The following GLG1 variants were observed in gnomAD, a reference collection of about 807,000 sequenced individuals.
GLG1 encodes the protein golgi glycoprotein 1, also known as Golgi apparatus protein 1.
Under a neutral mutation model 160.5 loss-of-function variants are expected in GLG1, and 38 were observed. The ratio of observed to expected loss-of-function variants is 0.24; its 90% confidence interval spans 0.18 to 0.31. The LOEUF (loss-of-function observed/expected upper bound fraction) is 0.31, where lower values mean the gene tolerates loss of function less well. Among genes scored for constraint, GLG1 ranks in the 10% least tolerant of loss-of-function variants. The pLI, the probability that GLG1 is intolerant of heterozygous loss-of-function variation, is 1.00. For synonymous variants in GLG1, 644 were observed against 543.4 expected, an observed-to-expected ratio of 1.19 and a Z score of -2.57; for missense variants, 1,373 against 1,505.2, an observed-to-expected ratio of 0.91 and a Z score of 1.45.
At chr16:74,593,538 G>T (rs537954293) in intron 1 of GLG1, among the ~76,000 whole-genome samples, 40 of 147,282 alleles carry the variant, frequency 2.7e-4, no homozygotes, top group Admixed American at 8.3e-4. Context: ...AGGTTCAAGC[G>T]ATTCTCCTGC....
At chr16:74,606,524 A>T (rs1958570085) in intron 1 of GLG1, 133 bp downstream of exon 1, 4 of 695,730 alleles carry the variant, frequency 5.7e-6, no homozygotes, top group African/African-American at 3.7e-5. Context: ...AGTGAGGAGC[A>T]AAGAGGGAAG....
chr16:74,606,826 G>T lies in GLG1; in HGVS notation c.269C>A (p.Pro90Gln), dbSNP rs1486345949. The change falls in exon 1 of 26, where the codon CCG (proline) becomes CAG (glutamine). Residue 90 changes from proline (P) to glutamine (Q), a missense_variant. Coordinates refer to ENST00000422840, the MANE Select transcript of GLG1 (RefSeq NM_001145667.2). The stretch of plus-strand genomic sequence containing the variant: ...CGGAGGCCCACCCGCCGGGAAAGGC[G>T]GCTGCGGCGGCTGAGGCTGCTGTTG... ...QQQQQPQPPQ[P>Q]PFPAGGPPAR... 6.2e-7 allele frequency: 1 copy of T among 1,600,576 alleles called. No homozygotes were observed. The highest frequency in any genetic ancestry group is 2.3e-5 in the East Asian group (1 of 44,360).
rs765772462 is a variant in GLG1, at chr16:74,575,006, CGGGGGGGGGGGG to C, written c.438+31639_438+31650del. Among the ~76,000 whole-genome samples, 2 of 3,738 alleles carry C rather than the reference CGGGGGGGGGGGG, an allele frequency of 5.4e-4. 1 individual carries two copies. The highest frequency in any genetic ancestry group is 1.0e-3 in the African/African-American group (2 of 1,994). The allele number at this position is 3,738 out of a possible 152,430, so 2.5% of individuals were successfully genotyped here. On this transcript the variant is annotated intron_variant, in intron 1 of 25. Coordinates refer to ENST00000422840, the MANE Select transcript of GLG1 (RefSeq NM_001145667.2). ...CTGTAATCCTAGCACTTTGGGAGGC[CGGGGGGGGGGGG>C]GGGGCGGATCACGAGGTCAAGAGTT...
chr16:74,490,996 C>A lies in GLG1; in HGVS notation c.1449+5G>T, dbSNP rs1187628276. On this transcript the variant is annotated splice_donor_5th_base_variant and intron_variant, in intron 8 of 25. Coordinates refer to ENST00000422840, the MANE Select transcript of GLG1 (RefSeq NM_001145667.2). Reference sequence around the variant, plus strand: ...TTCAAAATGGCAATAGCAATGTCTCCTTACCGCCTGCTGGCAGTTCATTCC... The same window carrying A: ...TTCAAAATGGCAATAGCAATGTCTCATTACCGCCTGCTGGCAGTTCATTCC... 6.2e-7 allele frequency: 1 copy of A among 1,607,020 alleles called. No homozygotes were observed. Among genetic ancestry groups the A allele is most frequent in the Non-Finnish European group, 8.5e-7 (1 of 1,173,572 alleles).
At chr16:74,562,471 T>C (rs2018537151) in intron 1 of GLG1, among the ~76,000 whole-genome samples, 2 of 152,224 alleles carry the variant, frequency 1.3e-5, no homozygotes, top group Admixed American at 1.3e-4. Flanking sequence ...TTCTTTTTTT[T>C]ATTTTCTGTA....
intron 3 of GLG1, 132 bp downstream of exon 3, chr16:74,508,707 C>G (rs2016700053): frequency 3.4e-6 from 2 of 584,926 alleles, no homozygotes; most frequent in Non-Finnish European, 6.2e-6. Flanking sequence ...CCCCCAACTT[C>G]CTAATTTTCA....
chr16:74,514,983 AG>A (rs1567496065), intron 2 of GLG1, among the ~76,000 whole-genome samples: 2 of 152,168 alleles, frequency 1.3e-5, no homozygotes, highest in African/African-American at 4.8e-5. Flanking sequence ...AAAAAAAAGC[AG>A]GGGTTGCAAT....
intron 7 of GLG1, among the ~76,000 whole-genome samples, chr16:74,492,382 A>C (rs372919892): frequency 6.9e-4 from 104 of 151,424 alleles, no homozygotes; most frequent in African/African-American, 2.0e-3. Context: ...AAAAAAAAGA[A>C]AAGACAAGAA....
intron 25 of GLG1, 64 bp downstream of exon 25, chr16:74,456,585 C>A: frequency 1.0e-6 from 1 of 978,638 alleles, no homozygotes; most frequent in Admixed American, 1.9e-5. Context: ...GGATGACATG[C>A]AAATTGGTGA....
At chr16:74,494,062 C>T (rs1299047536) in intron 6 of GLG1, among the ~76,000 whole-genome samples, 1 of 151,890 alleles carries the variant, frequency 6.6e-6, no homozygotes, top group Non-Finnish European at 1.5e-5. Context: ...GTAGTCATAG[C>T]TACTAGGGAG....
At chr16:74,507,476 C>A (rs959494209) in intron 3 of GLG1, among the ~76,000 whole-genome samples, 1 of 152,126 alleles carries the variant, frequency 6.6e-6, no homozygotes, top group Non-Finnish European at 1.5e-5. Flanking sequence ...GTGACTCATG[C>A]CTGTAATCCC....
intron 23 of GLG1, 65 bp downstream of exon 23, chr16:74,459,617 T>G: frequency 1.2e-6 from 1 of 833,988 alleles, no homozygotes. Flanking sequence ...GACTACAGCA[T>G]TAAAAGGAAG....
At chr16:74,463,530 T>A in intron 19 of GLG1, 51 bp from the exon 20 acceptor site, 12 of 1,582,374 alleles carry the variant, frequency 7.6e-6, no homozygotes, top group South Asian at 6.9e-5. Flanking sequence ...GGCGATTAAC[T>A]CCATCTGCGA....
chr16:74,571,896 T>A (rs2018837188), intron 1 of GLG1, among the ~76,000 whole-genome samples: 3 of 152,186 alleles, frequency 2.0e-5, no homozygotes, highest in Admixed American at 2.0e-4. Flanking sequence ...TGGGGTGGTG[T>A]GTTCCCAGCA....
intron 1 of GLG1, among the ~76,000 whole-genome samples, chr16:74,544,566 G>A (rs1452531564): frequency 6.6e-6 from 1 of 152,174 alleles, no homozygotes; most frequent in Non-Finnish European, 1.5e-5. Flanking sequence ...GAGTGCAATA[G>A]CGTGATCACG....
chr16:74,479,738 C>G (rs1194024949), intron 11 of GLG1, among the ~76,000 whole-genome samples: 1 of 152,162 alleles, frequency 6.6e-6, no homozygotes, highest in Non-Finnish European at 1.5e-5. Flanking sequence ...GCAGCCGATG[C>G]TGCCGAGACC....
At chr16:74,543,282 T>C (rs767782590) in intron 1 of GLG1, among the ~76,000 whole-genome samples, 1 of 152,194 alleles carries the variant, frequency 6.6e-6, no homozygotes, top group African/African-American at 2.4e-5. Context: ...CAGGGCTAAA[T>C]TGGGAAAAAA....
intron 13 of GLG1, 87 bp downstream of exon 13, chr16:74,474,459 A>G: frequency 1.3e-6 from 1 of 762,688 alleles, no homozygotes; most frequent in East Asian, 2.4e-5. Flanking sequence ...CTGCACTCTC[A>G]GGAGTCTAGA....
chr16:74,493,529 T>C (rs1307362033), intron 6 of GLG1, among the ~76,000 whole-genome samples: 11 of 152,240 alleles, frequency 7.2e-5, no homozygotes, highest in Admixed American at 7.2e-4. Context: ...GGATATTCTG[T>C]TCAATGCTTT....
Sources: gnomAD v4.1 joint callset for allele counts (sites outside exome capture counted in the v4.1 genomes callset) on GRCh38, gnomAD v4.1.1 for gene constraint, MANE v1.5 for transcripts, NCBI Gene and HGNC (gene_info 2026-07-23, HGNC 2026-07-21) for gene names.